P3R3URF: variants seen among roughly 807,000 people sequenced by gnomAD.
The protein encoded by P3R3URF is PIK3R3 upstream open reading frame, also known as P3R3URF protein.
Under a neutral mutation model 8.0 loss-of-function variants are expected in P3R3URF, and 6 were observed. The observed-to-expected ratio is 0.75, with a 90% CI of 0.41 to 1.47. The LOEUF is 1.47. Among genes scored for constraint, P3R3URF ranks in the 40% most tolerant of loss-of-function variants. P3R3URF has a pLI of 0.01. For synonymous variants in P3R3URF, 39 were observed against 36.7 expected (o/e 1.06, Z -0.23); for missense variants, 121 against 117.3 (o/e 1.03, Z -0.14).
Position 46,176,209 on chromosome 1 carries a change from C to T in P3R3URF, c.244+19G>A, listed in dbSNP as rs933672768. ...TGTTTTTTAAAACCCCACCCTGGCT[C>T]ACAGGCCCCCTGGCTAACCTTGAGG... On this transcript the variant is annotated intron_variant, in intron 1 of 1. Transcript: ENST00000506599. 13 of 1,534,512 alleles carry T rather than the reference C, an allele frequency of 8.5e-6. No individual in the cohort carries two copies. Among genetic ancestry groups the T allele is most frequent in the Non-Finnish European group, 1.0e-5 (12 of 1,145,814 alleles).
At chr1:46,176,165 G>T in intron 1 of P3R3URF, 63 bp downstream of exon 1, 6 of 1,520,768 alleles carry the variant, frequency 3.9e-6, no homozygotes, top group Non-Finnish European at 5.3e-6. Context: ...ATGAGCCACC[G>T]CACCCAGCCT....
At chr1:46,176,030 G>A (rs543505618) in intron 1 of P3R3URF, among the ~76,000 whole-genome samples, 198 bp downstream of exon 1, 16 of 152,190 alleles carry the variant, frequency 1.1e-4, no homozygotes, top group African/African-American at 2.2e-4. Flanking sequence ...GTGCCACCAC[G>A]CCCGGCTAAT....
rs560455403 is a variant in P3R3URF, at chr1:46,176,414, G to A, written c.58C>T (p.Arg20Cys). ...CTGGGCCAGCCCATACCTGGCCTGC[G>A]GTAGGGGGAACGCATGCCCTGGGGC... ...PRPQGMRSPY[R>C]RPGMGWPRPR... The change falls in exon 1 of 2, where the codon CGC becomes TGC. Residue 20 changes from arginine to cysteine, a missense_variant. Coordinates refer to ENST00000506599, the MANE Select transcript of P3R3URF (RefSeq NM_001328655.2). 2.8e-4 allele frequency: 429 copies of A among 1,535,744 alleles called. 1 individual carries two copies. The highest frequency in any genetic ancestry group is 5.9e-4 in the Admixed American group (30 of 51,010).
chr1:46,176,274 G>A lies in P3R3URF; in HGVS notation c.198C>T (p.Asn66=). The change falls in exon 1 of 2, where the codon AAC becomes AAT. Residue 66 remains asparagine, a synonymous_variant. Transcript: ENST00000506599. ...CTATGGTGGTGTCAGTGTGGGTGTTGTTGATACCCATGGCCCTGGTGGCAG... is the reference window on the plus strand; with the variant it reads ...CTATGGTGGTGTCAGTGTGGGTGTTATTGATACCCATGGCCCTGGTGGCAG... ...INPATRAMGI[N]NTHTDTTIVW... is the part of the protein sequence containing the mutation. 6.5e-7 allele frequency: 1 copy of A among 1,535,808 alleles called. No individual in the cohort carries two copies. The highest frequency in any genetic ancestry group is 1.2e-5 in the South Asian group (1 of 84,070).
rs917385564 is a variant in P3R3URF at position 46,176,256 on chromosome 1, G to A, written c.216C>T (p.Thr72=). 21 of 1,535,640 alleles carry A rather than the reference G, an allele frequency of 1.4e-5. No homozygotes were observed. The highest frequency in any genetic ancestry group is 3.6e-5 in the South Asian group (3 of 84,070). The change falls in exon 1 of 2, where the codon ACC becomes ACT. Residue 72 remains threonine (T), a synonymous_variant. Coordinates refer to ENST00000506599, the MANE Select transcript of P3R3URF (RefSeq NM_001328655.2). ...AMGINNTHTD[T]TIVWIFPPQV... ...GAGGTGGGAAGATCCACACTATGGT[G>A]GTGTCAGTGTGGGTGTTGTTGATAC...
intron 1 of P3R3URF, 81 bp from the exon 2 acceptor site, chr1:46,175,710 C>A: frequency 5.0e-6 from 2 of 400,632 alleles, no homozygotes; most frequent in South Asian, 2.5e-4. Context: ...CAGCCCCTCC[C>A]CAAACCCTCT....
Position 46,176,390 on chromosome 1 carries a change from TG to T in P3R3URF, c.81del (p.Arg28GlyfsTer47), listed in dbSNP as rs1557662688. The T allele has an allele frequency of 6.5e-7, 1 of 1,535,750 alleles. No individual in the cohort carries two copies. Among genetic ancestry groups the T allele is most frequent in the South Asian group, 1.2e-5 (1 of 84,066 alleles). Reference protein sequence around the residue: ...SPYRRPGMGWPRPRFPRMFKC... With the variant: ...SPYRRPGMGWXRPRFPRMFKC... Reference sequence around the variant, plus strand: ...TTGAACATCCTGGGAAATCGGGGCCTGGGCCAGCCCATACCTGGCCTGCGGT... The same window carrying T: ...TTGAACATCCTGGGAAATCGGGGCCTGGCCAGCCCATACCTGGCCTGCGGT... On this transcript the variant is annotated frameshift_variant, in exon 1 of 2. Transcript: ENST00000506599. LOFTEE classifies it high-confidence loss of function.
chr1:46,175,876 T>TG, intron 1 of P3R3URF: 1 of 401,380 alleles, frequency 2.5e-6, no homozygotes, highest in Non-Finnish European at 4.4e-6. Flanking sequence ...GCTCTGGTTT[T>TG]TTTTTTTTTT....
Position 46,176,120 on chromosome 1 carries a change from C to T in P3R3URF, c.244+108G>A. 7.2e-6 allele frequency: 9 copies of T among 1,249,508 alleles called. 1 individual carries two copies. In the South Asian group the frequency reaches 8.5e-5, roughly 12 times the overall value. 77.4% of individuals were successfully genotyped at this position (1,249,508 alleles called of 1,614,324 possible). A position where few individuals can be genotyped will look rare whatever the true frequency, so the allele number is the denominator to read the frequency against. On this transcript the variant is annotated intron_variant, in intron 1 of 1. Transcript: ENST00000506599. ...TCGATCTCCTGACCTTGTGATCTGC[C>T]CGCCTTGGCCTCCCAAAGTGCCGGG...
rs1419814776 is a variant in P3R3URF at position 46,176,473 on chromosome 1, G to T, written c.-2C>A. 6.3e-5 allele frequency: 97 copies of T among 1,535,546 alleles called. 1 individual carries two copies. Among genetic ancestry groups the T allele is most frequent in the Non-Finnish European group, 3.5e-6 (4 of 1,146,802 alleles). On this transcript the variant is annotated 5_prime_UTR_variant, in exon 1 of 2. Coordinates refer to ENST00000506599, the MANE Select transcript of P3R3URF (RefSeq NM_001328655.2). Reference sequence around the variant, plus strand: ...ACGGACAAGCCGAGATGGCCCCATGGGCACAGGGAGCTTCTGCAGTGTGCC... The same window carrying T: ...ACGGACAAGCCGAGATGGCCCCATGTGCACAGGGAGCTTCTGCAGTGTGCC...
At position 46,175,563 on chromosome 1, in the gene P3R3URF, T is replaced by C. The variant is rs1657113725; in HGVS notation, c.*23A>G. 2.5e-6 allele frequency: 1 copy of C among 398,606 alleles called. No individual in the cohort carries two copies. 24.7% of individuals were successfully genotyped at this position (398,606 alleles called of 1,614,324 possible). On this transcript the variant is annotated 3_prime_UTR_variant, in exon 2 of 2. Transcript: ENST00000506599. The stretch of plus-strand genomic sequence containing the variant: ...ATGCAGGTCCAGGGCAAACCAAGCT[T>C]CTGGGCTAGCTTCTGGGCACTTCTA...
At position 46,176,341 on chromosome 1, in the gene P3R3URF, T is replaced by C. The variant is rs1427512894; in HGVS notation, c.131A>G (p.Gln44Arg). Reference protein sequence around the residue: ...MFKCSRRRYQQGLRGRTASSA... With the variant: ...MFKCSRRRYQRGLRGRTASSA... ...GCTGGCAGTTCGACCTCGGAGACCC[T>C]GTTGATATCTTCTGCGGCTACACTT... The change falls in exon 1 of 2, where the codon CAG becomes CGG. Residue 44 changes from glutamine (Q) to arginine (R), a missense_variant. Coordinates refer to ENST00000506599, the MANE Select transcript of P3R3URF (RefSeq NM_001328655.2). The C allele has an allele frequency of 2.0e-6, 3 of 1,535,758 alleles. No individual in the cohort carries two copies. Among genetic ancestry groups the C allele is most frequent in the Non-Finnish European group, 2.6e-6 (3 of 1,146,918 alleles).
chr1:46,175,901 C>G, intron 1 of P3R3URF: 1 of 417,476 alleles, frequency 2.4e-6, no homozygotes. Context: ...GAGACAGAGT[C>G]TAGCTCTGTC....
intron 1 of P3R3URF, chr1:46,175,883 T>TC: frequency 1.0e-5 from 4 of 392,948 alleles, no homozygotes; most frequent in Non-Finnish European, 1.8e-5. Context: ...TTTTTTTTTT[T>TC]TTTTCTTGAG....
At position 46,175,507 on chromosome 1, in the gene P3R3URF, T is replaced by G. The variant is rs900281025; in HGVS notation, c.*79A>C. On this transcript the variant is annotated 3_prime_UTR_variant, in exon 2 of 2. Coordinates refer to ENST00000506599, the MANE Select transcript of P3R3URF (RefSeq NM_001328655.2). Reference sequence around the variant, plus strand: ...GCAGTTTGAGCAGAATGACTGTATTTGTTGTTCACCACCCACACGGCCCCT... The same window carrying G: ...GCAGTTTGAGCAGAATGACTGTATTGGTTGTTCACCACCCACACGGCCCCT... The G allele has an allele frequency of 2.5e-6, 1 of 398,646 alleles. No individual in the cohort carries two copies. The highest frequency in any genetic ancestry group is 4.4e-6 in the Non-Finnish European group (1 of 226,228). The allele number at this position is 398,646 out of a possible 1,614,324, so 24.7% of individuals were successfully genotyped here.
Position 46,176,232 on chromosome 1 carries a change from A to G in P3R3URF, c.240T>C (p.Pro80=). Residue 80 remains proline (P), a synonymous_variant, in exon 1 of 2, where the codon CCT becomes CCC. Transcript: ENST00000506599. ...CTCACAGGCCCCCTGGCTAACCTTGAGGTGGGAAGATCCACACTATGGTGG... is the reference window on the plus strand; with the variant it reads ...CTCACAGGCCCCCTGGCTAACCTTGGGGTGGGAAGATCCACACTATGGTGG... The part of the protein sequence containing the change: ...TDTTIVWIFP[P]QVLRHLRQPG... 2 of 1,535,288 alleles carry G rather than the reference A, an allele frequency of 1.3e-6. No individual in the cohort carries two copies. Among genetic ancestry groups the G allele is most frequent in the Non-Finnish European group, 8.7e-7 (1 of 1,146,718 alleles).
At chr1:46,175,762 T>C (rs1433156578) in intron 1 of P3R3URF, 133 bp from the exon 2 acceptor site, 1 of 404,030 alleles carries the variant, frequency 2.5e-6, no homozygotes, top group Non-Finnish European at 4.3e-6. Context: ...GTCAGCACTT[T>C]GGGGTGCCTG....
chr1:46,175,925 T>A (rs183093546), intron 1 of P3R3URF: 2 of 463,746 alleles, frequency 4.3e-6, no homozygotes, highest in Non-Finnish European at 7.6e-6. Flanking sequence ...CAGGCTGGAG[T>A]GCAGTGGCGC....
Position 46,175,588 on chromosome 1 carries a change from A to G in P3R3URF, c.286T>C (p.Ter96GlnextTer?), listed in dbSNP as rs1031643166. 3 of 399,136 alleles carry G rather than the reference A, an allele frequency of 7.5e-6. No homozygotes were observed. Among genetic ancestry groups the G allele is most frequent in the African/African-American group, 4.1e-5 (2 of 48,626 alleles). The allele number at this position is 399,136 out of a possible 1,614,324, so 24.7% of individuals were successfully genotyped here. A position where few individuals can be genotyped will look rare whatever the true frequency, so the allele number is the denominator to read the frequency against. Residue 96 changes from the stop codon to glutamine, a stop_lost, in exon 2 of 2, where the codon TAG (stop) becomes CAG (glutamine). Coordinates refer to ENST00000506599, the MANE Select transcript of P3R3URF (RefSeq NM_001328655.2). ...TCTGGGCTAGCTTCTGGGCACTTCT[A>G]GAGGATCAGAAAAATCCCAGGTTGC... ...LRQPGIFLIL[*>Q]
Sources: gnomAD v4.1 joint callset for allele counts (sites outside exome capture counted in the v4.1 genomes callset) on GRCh38, gnomAD v4.1.1 for gene constraint, MANE v1.5 for transcripts, NCBI Gene and HGNC (gene_info 2026-07-23, HGNC 2026-07-21) for gene names.